The following ELK3 variants were observed in gnomAD, a reference collection of about 807,000 sequenced individuals.
ELK3 encodes ETS transcription factor ELK3, also known as ETS domain-containing protein Elk-3.
Under a neutral mutation model 28.9 loss-of-function variants are expected in ELK3, and 10 were observed. That is an observed-to-expected ratio of 0.35 (90% CI 0.21 to 0.59). The LOEUF is 0.59. ELK3 is among the 20% of genes least tolerant of loss of function. The probability of loss-of-function intolerance (pLI) is 0.82; values close to 1 mark genes in which losing one functional copy is unlikely to be tolerated. For synonymous variants in ELK3, 272 were observed against 243.5 expected, an observed-to-expected ratio of 1.12 and a Z score of -1.09; for missense variants, 463 against 517.3, an observed-to-expected ratio of 0.90 and a Z score of 1.02.
At chr12:96,226,483 C>T (rs1387747480) in intron 2 of ELK3, among the ~76,000 whole-genome samples, 1 of 150,154 alleles carries the variant, frequency 6.7e-6, no homozygotes, top group African/African-American at 2.5e-5. Context: ...TGTCCACATG[C>T]ACACAGAGAT....
chr12:96,247,418 A>C lies in ELK3; in HGVS notation c.686A>C (p.Asn229Thr), dbSNP rs896984854. The C allele has an allele frequency of 3.1e-6, 5 of 1,613,910 alleles. No homozygotes were observed. In the South Asian group the frequency reaches 3.3e-5, roughly 11 times the overall value. The change falls in exon 3 of 5, where the codon AAC becomes ACC. Residue 229 changes from asparagine to threonine, a missense_variant. Asn to Thr is a moderately conservative substitution (Grantham distance 65). Around this residue, in one of 2 missense-constraint regions of ELK3, gnomAD observed 408 missense variants for 414.8 expected, o/e 0.98. Transcript: ENST00000228741. The surrounding 1 kb of genome is among the most constrained non-coding windows in gnomAD (Gnocchi z 5.5). Reference sequence around the variant, plus strand: ...AAGATCTCCTCTTTAATGTTGCCAAACGCTGCCAGTATTTCATCCGCCTCA... The same window carrying C: ...AAGATCTCCTCTTTAATGTTGCCAACCGCTGCCAGTATTTCATCCGCCTCA... ...SAKISSLMLP[N>T]AASISSASPF...
At chr12:96,240,499 T>C (rs1951813363) in intron 2 of ELK3, among the ~76,000 whole-genome samples, 1 of 152,170 alleles carries the variant, frequency 6.6e-6, no homozygotes, top group Admixed American at 6.5e-5. Context: ...GCTGAGGCAT[T>C]GAACTCAGGC....
intron 1 of ELK3, among the ~76,000 whole-genome samples, chr12:96,205,284 C>T (rs1456460278): frequency 1.3e-5 from 2 of 152,138 alleles, no homozygotes; most frequent in East Asian, 1.9e-4. Flanking sequence ...GAGAGGGGAC[C>T]AAACCATTTA....
intron 2 of ELK3, among the ~76,000 whole-genome samples, chr12:96,241,869 TCTCA>T (rs1190681916): frequency 1.3e-5 from 2 of 152,220 alleles, no homozygotes; most frequent in Non-Finnish European, 2.9e-5. Context: ...TGCTTTTTCC[TCTCA>T]CTAAAATTGG....
chr12:96,215,232 A>G (rs2137008439), intron 1 of ELK3, among the ~76,000 whole-genome samples: 1 of 152,220 alleles, frequency 6.6e-6, no homozygotes, highest in African/African-American at 2.4e-5. Context: ...ATGCAAAGGG[A>G]AGTGCTAGGT....
In ELK3 at chr12:96,230,857, C is replaced by T. The variant is rs369573043; in HGVS notation, c.207+7084C>T. 4.8e-4 allele frequency among the ~76,000 whole-genome samples: 73 copies of T among 152,274 alleles called. 1 individual carries two copies. The highest frequency in any genetic ancestry group is 1.8e-3 in the African/African-American group (73 of 41,556). ...GTCTGGAGGGCCAGGGTTCCGCATC[C>T]GAGCTCCACCAGGGAACTGCTTTCC... On this transcript the variant is annotated intron_variant, in intron 2 of 4. Transcript: ENST00000228741.
rs775912382 is a variant in ELK3, at chr12:96,247,578, C to G, written c.846C>G (p.Thr282=). 1 of 1,614,088 alleles carries G rather than the reference C, an allele frequency of 6.2e-7. No individual in the cohort carries two copies. The highest frequency in any genetic ancestry group is 1.7e-5 in the Admixed American group (1 of 60,026). Residue 282 remains threonine, a synonymous_variant, in exon 3 of 5, where the codon ACC becomes ACG. Transcript: ENST00000228741. This position sits in a 1 kb window ranked among gnomAD's most constrained non-coding sequence, Gnocchi z 5.5. ...TGAACCTGTCATCGGGCTCCAAGAC[C>G]AAGTCTCCATCTCTTCCCCCAAAGG... ...EPLNLSSGSK[T]KSPSLPPKAK...
Position 96,237,817 on chromosome 12 carries a change from G to GA in ELK3, c.208-9120dup, listed in dbSNP as rs542325457. Reference sequence around the variant, plus strand: ...CTAAAAAACAAAAACAATGTTTGCTGAAAGAATGTTTGCTTGTCGGAGAGA... The same window carrying GA: ...CTAAAAAACAAAAACAATGTTTGCTGAAAAGAATGTTTGCTTGTCGGAGAGA... On this transcript the variant is annotated intron_variant, in intron 2 of 4. Coordinates refer to ENST00000228741, the MANE Select transcript of ELK3 (RefSeq NM_005230.4). 4.8e-4 allele frequency among the ~76,000 whole-genome samples: 73 copies of GA among 152,358 alleles called. No homozygotes were observed. The East Asian group carries it at 9.1e-3, about 19-fold the overall frequency.
chr12:96,240,570 G>A (rs1951813818), intron 2 of ELK3, among the ~76,000 whole-genome samples: 1 of 152,160 alleles, frequency 6.6e-6, no homozygotes, highest in African/African-American at 2.4e-5. Context: ...GGTCAAGTGG[G>A]TATTTATTGG....
intron 2 of ELK3, among the ~76,000 whole-genome samples, 154 bp from the exon 3 acceptor site, chr12:96,246,785 CT>C (rs376620241): frequency 5.3e-4 from 81 of 152,364 alleles, no homozygotes; most frequent in African/African-American, 1.9e-3. Flanking sequence ...TCTAATTCTA[CT>C]TCCAACTTCA....
chr12:96,254,919 A>G (rs1951936283), intron 3 of ELK3, among the ~76,000 whole-genome samples: 1 of 151,992 alleles, frequency 6.6e-6, no homozygotes, highest in Non-Finnish European at 1.5e-5. Context: ...CAAGGCATAG[A>G]TACGTGAAAT....
chr12:96,240,598 T>C (rs956403353), intron 2 of ELK3, among the ~76,000 whole-genome samples: 1 of 152,164 alleles, frequency 6.6e-6, no homozygotes, highest in Admixed American at 6.5e-5. Context: ...CCCTGCTCTG[T>C]CCCCCTTACC....
At chr12:96,259,919 G>A in intron 4 of ELK3, 66 bp downstream of exon 4, 9 of 1,509,614 alleles carry the variant, frequency 6.0e-6, no homozygotes, top group Non-Finnish European at 8.0e-6. Context: ...TCTAAATCCT[G>A]CAGAGGTAAC....
intron 4 of ELK3, among the ~76,000 whole-genome samples, chr12:96,261,819 C>T (rs538483000): frequency 3.3e-5 from 5 of 152,242 alleles, no homozygotes; most frequent in Admixed American, 2.0e-4. Flanking sequence ...TACAGTGATT[C>T]GACACGTTAT....
chr12:96,214,367 C>T (rs1251400447), intron 1 of ELK3, among the ~76,000 whole-genome samples: 1 of 151,162 alleles, frequency 6.6e-6, no homozygotes, highest in Admixed American at 6.6e-5. Flanking sequence ...GGAGGCGGAG[C>T]TTGCAGTGAA....
intron 1 of ELK3, among the ~76,000 whole-genome samples, chr12:96,197,540 C>T (rs1055388981): frequency 2.4e-4 from 36 of 152,156 alleles, no homozygotes; most frequent in African/African-American, 8.2e-4. Flanking sequence ...TTTTCTCTTT[C>T]TCTTTTTGGT....
intron 3 of ELK3, among the ~76,000 whole-genome samples, chr12:96,250,528 CT>C (rs1418153015): frequency 1.3e-5 from 2 of 152,228 alleles, no homozygotes; most frequent in African/African-American, 4.8e-5. Context: ...CCAGCACCAG[CT>C]CAGTAGTTTG....
intron 2 of ELK3, among the ~76,000 whole-genome samples, chr12:96,241,409 A>C (rs1447659789): frequency 6.7e-6 from 1 of 149,296 alleles, no homozygotes; most frequent in African/African-American, 2.5e-5. Flanking sequence ...TCCTCTTCAA[A>C]GGGCACAGTG....
chr12:96,231,777 C>T (rs915699434), intron 2 of ELK3, among the ~76,000 whole-genome samples: 13 of 152,202 alleles, frequency 8.5e-5, no homozygotes, highest in East Asian at 1.9e-4. Context: ...AGCCACAGCA[C>T]CTGGCCTAGG....
Sources: gnomAD v4.1 joint callset for allele counts (sites outside exome capture counted in the v4.1 genomes callset) on GRCh38, gnomAD v4.1.1 for gene constraint, gnomAD v4.1.1 regional missense constraint, Gnocchi (gnomAD v3.1) non-coding constraint, MANE v1.5 for transcripts, NCBI Gene and HGNC (gene_info 2026-07-23, HGNC 2026-07-21) for gene names.